MYRFL: variants seen among roughly 807,000 people sequenced by gnomAD.
MYRFL encodes the protein myelin regulatory factor like.
Under a neutral mutation model 109.4 loss-of-function variants are expected in MYRFL, and 88 were observed. That is an observed-to-expected ratio of 0.80 (90% CI 0.68 to 0.96). The LOEUF (loss-of-function observed/expected upper bound fraction) is 0.96, where lower values mean the gene tolerates loss of function less well. Ranked by LOEUF, MYRFL falls within the 40% of genes least tolerant of loss-of-function variation. The probability of loss-of-function intolerance (pLI) is 0.00; values close to 1 mark genes in which losing one functional copy is unlikely to be tolerated. For missense variants in MYRFL, 957 were observed against 954.9 expected (o/e 1.00, Z -0.03); for synonymous variants, 324 against 320.9 (o/e 1.01, Z -0.10).
intron 5 of MYRFL, among the ~76,000 whole-genome samples, chr12:69,885,123 A>T (rs186707426): frequency 6.6e-6 from 1 of 152,224 alleles, no homozygotes; most frequent in East Asian, 1.9e-4. Context: ...TTTAAAAAAA[A>T]ATATTTTAGA....
Position 69,880,951 on chromosome 12 carries a change from G to GTTTTTTTTTTTT in MYRFL, c.556+666_556+677dup, listed in dbSNP as rs71094746. 3.7e-3 allele frequency among the ~76,000 whole-genome samples: 420 copies of GTTTTTTTTTTTT among 112,590 alleles called. 32 individuals carry two copies. The highest frequency in any genetic ancestry group is 9.2e-3 in the African/African-American group (289 of 31,498). 73.9% of individuals were successfully genotyped at this position (112,590 alleles called of 152,430 possible). On this transcript the variant is annotated intron_variant, in intron 5 of 24. Coordinates refer to ENST00000552032, the MANE Select transcript of MYRFL (RefSeq NM_182530.3). ...TAATGTCCAAGCGGTCAGCCTTCCT[G>GTTTTTTTTTTTT]TTTTTTTTTTTTTTTTTTGTCTTAT... is the stretch of plus-strand genomic sequence containing the variant.
chr12:69,871,433 C>T (rs1214178270), intron 2 of MYRFL, among the ~76,000 whole-genome samples: 2 of 151,924 alleles, frequency 1.3e-5, no homozygotes, highest in African/African-American at 2.4e-5. Flanking sequence ...AGGATTTCAC[C>T]GTGTTAGCCG....
At position 69,958,338 on chromosome 12, in the gene MYRFL, T is replaced by C; in HGVS notation, c.2646+15T>C. Reference sequence around the variant, plus strand: ...TAGCTGCACCGGTAAGCTTGCTTTTTCTTTTTCTTTTCAGTGAGAAAGAAA... The same window carrying C: ...TAGCTGCACCGGTAAGCTTGCTTTTCCTTTTTCTTTTCAGTGAGAAAGAAA... On this transcript the variant is annotated intron_variant, in intron 24 of 24. Transcript: ENST00000552032. The C allele has an allele frequency of 1.3e-6, 2 of 1,533,270 alleles. No homozygotes were observed. The highest frequency in any genetic ancestry group is 1.7e-6 in the Non-Finnish European group (2 of 1,145,952). The allele number at this position is 1,533,270 out of a possible 1,614,324, so 95.0% of individuals were successfully genotyped here. A position where few individuals can be genotyped will look rare whatever the true frequency, so the allele number is the denominator to read the frequency against.
intron 16 of MYRFL, among the ~76,000 whole-genome samples, chr12:69,934,174 C>T (rs984383206): frequency 1.1e-4 from 16 of 152,300 alleles, no homozygotes; most frequent in African/African-American, 3.6e-4. Context: ...TTTTCTCAGC[C>T]TTTTCGCTGG....
chr12:69,924,541 CTT>C (rs58688680), intron 13 of MYRFL, among the ~76,000 whole-genome samples: 8,374 of 152,090 alleles, frequency 0.055, 742 homozygotes, highest in African/African-American at 0.19. Context: ...ATTGTGGTCT[CTT>C]TTATTTCTTA....
chr12:69,862,750 C>T (rs1314348198), intron 2 of MYRFL, among the ~76,000 whole-genome samples: 3 of 152,114 alleles, frequency 2.0e-5, no homozygotes, highest in African/African-American at 7.2e-5. Flanking sequence ...TTTCCTTCTC[C>T]TGCCTGATTG....
chr12:69,861,121 C>T (rs1884634711), intron 2 of MYRFL, among the ~76,000 whole-genome samples: 1 of 150,508 alleles, frequency 6.6e-6, no homozygotes, highest in Admixed American at 6.6e-5. Context: ...TGTATATGTG[C>T]CACATTTTCT....
intron 2 of MYRFL, among the ~76,000 whole-genome samples, chr12:69,878,242 CA>C (rs60069243): frequency 0.15 from 17,094 of 112,556 alleles, 1,044 homozygotes; most frequent in Middle Eastern, 0.21. Context: ...GACTCCATCT[CA>C]AAAAAAAAAA....
chr12:69,850,878 A>G (rs1883837477), intron 1 of MYRFL, among the ~76,000 whole-genome samples: 1 of 152,042 alleles, frequency 6.6e-6, no homozygotes, highest in Non-Finnish European at 1.5e-5. Flanking sequence ...AGCTACTTTC[A>G]AGAGGGACTT....
intron 13 of MYRFL, among the ~76,000 whole-genome samples, chr12:69,922,886 T>C (rs1413574826): frequency 6.6e-6 from 1 of 152,204 alleles, no homozygotes; most frequent in Non-Finnish European, 1.5e-5. Flanking sequence ...AAAACAGTGA[T>C]ACTCTATCAT....
chr12:69,951,477 G>A (rs941828852), intron 19 of MYRFL, among the ~76,000 whole-genome samples: 6 of 147,674 alleles, frequency 4.1e-5, no homozygotes, highest in Non-Finnish European at 3.0e-5. Flanking sequence ...GTCCAGGCTG[G>A]AGTGCAATGG....
chr12:69,890,888 A>T, intron 6 of MYRFL, 83 bp from the exon 7 acceptor site: 4 of 1,052,092 alleles, frequency 3.8e-6, no homozygotes, highest in Non-Finnish European at 4.9e-6. Context: ...TTTTCTTGAA[A>T]TGTTTATACA....
intron 8 of MYRFL, among the ~76,000 whole-genome samples, chr12:69,894,580 A>C (rs1480100295): frequency 6.6e-6 from 1 of 152,196 alleles, no homozygotes; most frequent in Non-Finnish European, 1.5e-5. Context: ...CTGTACTTAG[A>C]AGTCATTTTT....
chr12:69,933,219 G>C (rs904933621), intron 16 of MYRFL, among the ~76,000 whole-genome samples: 3 of 152,028 alleles, frequency 2.0e-5, no homozygotes, highest in Middle Eastern at 3.4e-3. Context: ...CGCAAAGGCG[G>C]GAGGCAGCCT....
At chr12:69,915,322 C>T (rs1954697906) in intron 13 of MYRFL, among the ~76,000 whole-genome samples, 1 of 152,136 alleles carries the variant, frequency 6.6e-6, no homozygotes, top group South Asian at 2.1e-4. Flanking sequence ...TATGAAGGTA[C>T]AGCCTCTCCA....
At chr12:69,882,399 T>C (rs1331600433) in intron 5 of MYRFL, among the ~76,000 whole-genome samples, 2 of 152,244 alleles carry the variant, frequency 1.3e-5, no homozygotes, top group African/African-American at 4.8e-5. Context: ...AGCGAAAGTT[T>C]TCTAGTCAAT....
In MYRFL at chr12:69,910,950, C is replaced by T; in HGVS notation, c.1602+20C>T. Reference sequence around the variant, plus strand: ...GATAAGGTAATCACTGAAAAGATATCAGCTGCTATAAGCTATCAGTCTAGG... The same window carrying T: ...GATAAGGTAATCACTGAAAAGATATTAGCTGCTATAAGCTATCAGTCTAGG... On this transcript the variant is annotated intron_variant, in intron 13 of 24. Transcript: ENST00000552032. The T allele has an allele frequency of 6.7e-7, 1 of 1,491,892 alleles. No homozygotes were observed. The highest frequency in any genetic ancestry group is 2.0e-5 in the Admixed American group (1 of 50,828). The allele number at this position is 1,491,892 out of a possible 1,614,324, so 92.4% of individuals were successfully genotyped here. A position where few individuals can be genotyped will look rare whatever the true frequency, so the allele number is the denominator to read the frequency against.
At chr12:69,864,641 A>G (rs952472984) in intron 2 of MYRFL, among the ~76,000 whole-genome samples, 2 of 5,586 alleles carry the variant, frequency 3.6e-4, no homozygotes, top group Non-Finnish European at 2.3e-3. Flanking sequence ...GAAGTTACAC[A>G]CACACACACA....
chr12:69,895,990 C>A (rs1477307963), intron 9 of MYRFL, among the ~76,000 whole-genome samples: 1 of 152,150 alleles, frequency 6.6e-6, no homozygotes, highest in Non-Finnish European at 1.5e-5. Context: ...AACTCTGAAT[C>A]AAAAACTCTG....
Sources: allele counts gnomAD v4.1 joint callset (sites outside exome capture counted in the v4.1 genomes callset), GRCh38; gene constraint gnomAD v4.1.1; transcripts MANE v1.5; gene names NCBI Gene and HGNC (gene_info 2026-07-23, HGNC 2026-07-21).